MTHFD1: variants seen among roughly 807,000 people sequenced by gnomAD.
MTHFD1 encodes the protein C-1-tetrahydrofolate synthase, cytoplasmic.
Under a neutral mutation model 110.3 loss-of-function variants are expected in MTHFD1, and 44 were observed. That is an observed-to-expected ratio of 0.40 (90% CI 0.31 to 0.51). The LOEUF is 0.51. MTHFD1 is among the 20% of genes least tolerant of loss of function. The pLI is 0.60. For missense variants in MTHFD1, 909 were observed against 1,173.1 expected, an observed-to-expected ratio of 0.77 and a Z score of 3.29; for synonymous variants, 402 against 428.8, an observed-to-expected ratio of 0.94 and a Z score of 0.77.
At chr14:64,434,223 G>C (rs2078185882) in intron 15 of MTHFD1, among the ~76,000 whole-genome samples, 1 of 152,128 alleles carries the variant, frequency 6.6e-6, no homozygotes, top group African/African-American at 2.4e-5. Context: ...AGAAAAAACA[G>C]GGCTGGGAAA....
At chr14:64,405,110 T>C (rs2077926897) in intron 2 of MTHFD1, among the ~76,000 whole-genome samples, 1 of 152,224 alleles carries the variant, frequency 6.6e-6, no homozygotes, top group South Asian at 2.1e-4. Flanking sequence ...GATTTTCCCT[T>C]TTTTGCAAAT....
intron 21 of MTHFD1, 44 bp downstream of exon 21, chr14:64,442,446 C>A: frequency 6.2e-7 from 1 of 1,600,876 alleles, no homozygotes; most frequent in Non-Finnish European, 8.5e-7. Context: ...AGTGTGCTGA[C>A]GGCCAAAAGG....
chr14:64,424,771 G>T (rs775793671), intron 8 of MTHFD1, 33 bp from the exon 9 acceptor site: 1 of 1,612,450 alleles, frequency 6.2e-7, no homozygotes, highest in Non-Finnish European at 8.5e-7. Context: ...GTGATTCTGA[G>T]ACTTAGTTTT....
At chr14:64,433,757 G>A (rs1462299181) in intron 15 of MTHFD1, among the ~76,000 whole-genome samples, 2 of 147,740 alleles carry the variant, frequency 1.4e-5, no homozygotes, top group Non-Finnish European at 3.0e-5. Flanking sequence ...GAGGCCAGGC[G>A]TGGTGGCTCA....
chr14:64,424,758 A>G, intron 8 of MTHFD1, 46 bp from the exon 9 acceptor site: 1 of 1,609,210 alleles, frequency 6.2e-7, no homozygotes, highest in Non-Finnish European at 8.5e-7. Context: ...GATCACCAGG[A>G]CTGTGATTCT....
In MTHFD1 at chr14:64,439,148, A is replaced by G; in HGVS notation, c.1650A>G (p.Pro550=). The change falls in exon 17 of 28, where the codon CCA becomes CCG. Residue 550 remains proline (P), a synonymous_variant. Coordinates refer to ENST00000652337, the MANE Select transcript of MTHFD1 (RefSeq NM_005956.4). ...FLRKITIGQA[P]TEKGHTRTAQ... is the part of the protein sequence containing the mutation. ...GGAAGATCACGATTGGACAGGCTCC[A>G]ACGGAGAAGGGTCACACACGGACGG... The G allele has an allele frequency of 1.9e-6, 3 of 1,614,074 alleles. No individual in the cohort carries two copies. The highest frequency in any genetic ancestry group is 2.5e-6 in the Non-Finnish European group (3 of 1,179,908).
At chr14:64,437,945 C>T (rs1448811972) in intron 16 of MTHFD1, among the ~76,000 whole-genome samples, 1 of 152,104 alleles carries the variant, frequency 6.6e-6, no homozygotes, top group African/African-American at 2.4e-5. Context: ...GTGATCTCAG[C>T]TCACTGCAAC....
At chr14:64,454,400 C>T (rs2078430033) in intron 25 of MTHFD1, among the ~76,000 whole-genome samples, 1 of 152,182 alleles carries the variant, frequency 6.6e-6, no homozygotes, top group South Asian at 2.1e-4. Context: ...AGGCATGAAC[C>T]ACTGCACCTG....
chr14:64,431,827 G>A lies in MTHFD1; in HGVS notation c.1460G>A (p.Arg487Lys). 1.2e-6 allele frequency: 2 copies of A among 1,614,162 alleles called. No individual in the cohort carries two copies. The highest frequency in any genetic ancestry group is 2.2e-5 in the East Asian group (1 of 44,886). Residue 487 changes from arginine (R) to lysine (K), a missense_variant, in exon 15 of 28, where the codon AGA (arginine) becomes AAA (lysine). By Grantham distance (26) the Arg-to-Lys change is conservative. This residue lies in a region of MTHFD1 where 482 missense variants were observed against 646.0 expected (regional missense o/e 0.75). Coordinates refer to ENST00000652337, the MANE Select transcript of MTHFD1 (RefSeq NM_005956.4). Reference sequence around the variant, plus strand: ...TTGGTGCCATCAGTAAATGGAGTGAGAAGGTTCTCTGACATCCAAATCCGA... The same window carrying A: ...TTGGTGCCATCAGTAAATGGAGTGAAAAGGTTCTCTGACATCCAAATCCGA... ...NRLVPSVNGV[R>K]RFSDIQIRRL...
In MTHFD1 at chr14:64,441,269, A is replaced by C. The variant is rs1289208975; in HGVS notation, c.1816-116A>C. ...CCATGAATGGTCCAATTCAGGTGAA[A>C]GTATCAATTGGTCCAAGATGGCTAA... On this transcript the variant is annotated intron_variant, in intron 18 of 27. Transcript: ENST00000652337. The C allele has an allele frequency of 3.3e-5, 30 of 909,670 alleles. No individual in the cohort carries two copies. In the Admixed American group the frequency reaches 4.7e-4, roughly 14 times the overall value. The allele number at this position is 909,670 out of a possible 1,614,324, so 56.3% of individuals were successfully genotyped here. A position where few individuals can be genotyped will look rare whatever the true frequency, so the allele number is the denominator to read the frequency against.
At chr14:64,425,182 C>T (rs1001918208) in intron 9 of MTHFD1, among the ~76,000 whole-genome samples, 3 of 151,040 alleles carry the variant, frequency 2.0e-5, no homozygotes, top group African/African-American at 7.3e-5. Context: ...CTGGCTTGGC[C>T]AGGTCTGTTT....
chr14:64,393,980 C>T (rs548854711), intron 1 of MTHFD1, among the ~76,000 whole-genome samples: 21 of 152,150 alleles, frequency 1.4e-4, no homozygotes, highest in South Asian at 4.1e-4. Flanking sequence ...TACTTCCTGA[C>T]GTTGCCCCAA....
rs147498860 is a variant in MTHFD1 at position 64,393,612 on chromosome 14, A to C, written c.41+5144A>C. On this transcript the variant is annotated intron_variant, in intron 1 of 27. Coordinates refer to ENST00000652337, the MANE Select transcript of MTHFD1 (RefSeq NM_005956.4). The stretch of plus-strand genomic sequence containing the variant: ...GCAGCGATAGTGCAGCAGAGCCCAG[A>C]GCTGGCAGCCAACTACTATGGTCAT... Among the ~76,000 whole-genome samples, 89 of 152,282 alleles carry C rather than the reference A, an allele frequency of 5.8e-4. No individual in the cohort carries two copies. The East Asian group carries it at 0.015, about 26-fold the overall frequency.
rs1034316320 is a variant in MTHFD1 at position 64,453,759 on chromosome 14, A to T, written c.2463A>T (p.Pro821=). 2 of 1,599,696 alleles carry T rather than the reference A, an allele frequency of 1.3e-6. No homozygotes were observed. The highest frequency in any genetic ancestry group is 8.6e-7 in the Non-Finnish European group (1 of 1,167,350). Residue 821 remains proline (P), a synonymous_variant, in exon 25 of 28, where the codon CCA becomes CCT. Transcript: ENST00000652337. ...SFQLLYDLKL[P]VEDKIRIIAQ... ...ATCTCTTTCTTGTGCATTAGCTCCC[A>T]GTTGAGGATAAAATCAGGATCATTG...
chr14:64,418,675 G>A (rs570452528), intron 7 of MTHFD1, among the ~76,000 whole-genome samples: 18 of 151,942 alleles, frequency 1.2e-4, no homozygotes, highest in Non-Finnish European at 1.2e-4. Context: ...TCCTGCCTCA[G>A]CCTCCTGAGT....
At chr14:64,431,392 T>C in intron 13 of MTHFD1, 140 bp from the exon 14 acceptor site, 1 of 723,390 alleles carries the variant, frequency 1.4e-6, no homozygotes, top group South Asian at 1.5e-5. Flanking sequence ...AAGAACTCCC[T>C]ATATTGGGTG....
At chr14:64,411,501 G>GA (rs1166489445) in intron 3 of MTHFD1, among the ~76,000 whole-genome samples, 2 of 152,206 alleles carry the variant, frequency 1.3e-5, no homozygotes, top group African/African-American at 4.8e-5. Context: ...ATTTAAAGAG[G>GA]AAAGGGTGGG....
chr14:64,451,264 C>T (rs764143489), intron 24 of MTHFD1, among the ~76,000 whole-genome samples: 3 of 152,114 alleles, frequency 2.0e-5, no homozygotes, highest in Non-Finnish European at 2.9e-5. Flanking sequence ...TCAAGTGATC[C>T]TCCTGCCTCA....
rs1801340 is a variant in MTHFD1, at chr14:64,459,902, A to C, written c.*148A>C. On this transcript the variant is annotated 3_prime_UTR_variant, in exon 28 of 28. Transcript: ENST00000652337. Reference sequence around the variant, plus strand: ...AACTAATAGTAGGAGTTTCCCCAGAAGTCATTTTCAGCCTTAATTCTCATC... The same window carrying C: ...AACTAATAGTAGGAGTTTCCCCAGACGTCATTTTCAGCCTTAATTCTCATC... The C allele has an allele frequency of 8.2e-3, 12,613 of 1,535,958 alleles. 853 individuals carry two copies. The African/African-American group carries it at 0.15, about 18-fold the overall frequency.
Sources: gnomAD v4.1 joint callset for allele counts (sites outside exome capture counted in the v4.1 genomes callset) on GRCh38, gnomAD v4.1.1 for gene constraint, gnomAD v4.1.1 regional missense constraint, MANE v1.5 for transcripts, NCBI Gene and HGNC (gene_info 2026-07-23, HGNC 2026-07-21) for gene names.